The following ASH1L variants were observed in gnomAD, a reference collection of about 807,000 sequenced individuals.
ASH1L encodes histone-lysine N-methyltransferase ASH1L.
In ASH1L, 23 loss-of-function variants were observed where a neutral mutation model predicts 269.0. The ratio of observed to expected loss-of-function variants is 0.09; its 90% CI spans 0.06 to 0.12. The LOEUF (loss-of-function observed/expected upper bound fraction) is 0.12, where lower values mean the gene tolerates loss of function less well. Among genes scored for constraint, ASH1L ranks in the 10% least tolerant of loss-of-function variants. The pLI is 1.00. For missense variants in ASH1L, 2,912 were observed against 3,567.8 expected (o/e 0.82, Z 4.68); for synonymous variants, 1,187 against 1,253.5 (o/e 0.95, Z 1.12).
intron 7 of ASH1L, among the ~76,000 whole-genome samples, chr1:155,393,410 A>C (rs1225987208): frequency 6.6e-6 from 1 of 152,192 alleles, no homozygotes; most frequent in Admixed American, 6.5e-5. Context: ...ACTACAAGAC[A>C]TAGGATCAAC....
intron 1 of ASH1L, among the ~76,000 whole-genome samples, chr1:155,548,771 T>C (rs537910639): frequency 6.6e-6 from 1 of 152,356 alleles, no homozygotes; most frequent in East Asian, 1.9e-4. Context: ...GGTAATTTCA[T>C]CAAGTTCTTT....
Position 155,479,782 on chromosome 1 carries a change from C to T in ASH1L, c.3088G>A (p.Gly1030Ser). ...TTTATCTGTTGGCCCAATTTAGAGC[C>T]AAATGTGGCAGCAAGACTTGATACC... Reference protein sequence around the residue: ...NTVSSLAATFGSKLGQQINVS... With the variant: ...NTVSSLAATFSSKLGQQINVS... The change falls in exon 3 of 28, where the codon GGC (glycine) becomes AGC (serine). Residue 1030 changes from glycine to serine, a missense_variant. Physicochemically the swap from Gly to Ser is moderately conservative, Grantham distance 56 (BLOSUM62 0). Around this residue, in one of 13 missense-constraint regions of ASH1L, gnomAD observed 715 missense variants for 721.0 expected, o/e 0.99. Coordinates refer to ENST00000392403, the MANE Select transcript of ASH1L (RefSeq NM_018489.3). 6.2e-7 allele frequency: 1 copy of T among 1,614,110 alleles called. No individual in the cohort carries two copies. The highest frequency in any genetic ancestry group is 8.5e-7 in the Non-Finnish European group (1 of 1,179,992).
chr1:155,467,029 T>TA (rs1332307155), intron 3 of ASH1L, among the ~76,000 whole-genome samples: 1 of 152,196 alleles, frequency 6.6e-6, no homozygotes, highest in East Asian at 1.9e-4. Context: ...ATGCACCAAA[T>TA]AATGTATATA....
rs765088409 is a variant in ASH1L at position 155,439,001 on chromosome 1, C to T, written c.5154G>A (p.Leu1718=). The change falls in exon 5 of 28, where the codon CTG becomes CTA. Residue 1718 remains leucine (L), a synonymous_variant. Transcript: ENST00000392403. The part of the protein sequence containing the change: ...ASGDDSVDSL[L]QRMVQNEDQE... ...GGTCCTCATTTTGTACCATCCGCTGCAGCAGACTATCCACAGAGTCATCCC... is the reference window on the plus strand; with the variant it reads ...GGTCCTCATTTTGTACCATCCGCTGTAGCAGACTATCCACAGAGTCATCCC... 4 of 1,614,050 alleles carry T rather than the reference C, an allele frequency of 2.5e-6. No individual in the cohort carries two copies. The highest frequency in any genetic ancestry group is 3.4e-6 in the Non-Finnish European group (4 of 1,180,032).
rs541546996 is a variant in ASH1L, at chr1:155,339,227, A to C, written c.8501+101T>G. On this transcript the variant is annotated intron_variant, in intron 26 of 27. Transcript: ENST00000392403. ...CTGGGCTACTCTGCAGAGAATACCC[A>C]GTCCTAGAAGTGGAGCTGAGTGGGT... The C allele has an allele frequency of 1.5e-5, 16 of 1,053,956 alleles. No individual in the cohort carries two copies. The East Asian group carries it at 3.3e-4, about 22-fold the overall frequency. The allele number at this position is 1,053,956 out of a possible 1,614,324, so 65.3% of individuals were successfully genotyped here.
intron 6 of ASH1L, among the ~76,000 whole-genome samples, chr1:155,406,398 G>A (rs926526732): frequency 3.3e-5 from 5 of 152,104 alleles, no homozygotes; most frequent in African/African-American, 9.7e-5. Flanking sequence ...CTGATTTCAG[G>A]CTTTCTTACA....
At chr1:155,550,567 A>G (rs1558217031) in intron 1 of ASH1L, among the ~76,000 whole-genome samples, 1 of 152,136 alleles carries the variant, frequency 6.6e-6, no homozygotes, top group Non-Finnish European at 1.5e-5. Flanking sequence ...CTCAGGGCTT[A>G]TGCTCATGCC....
intron 3 of ASH1L, among the ~76,000 whole-genome samples, chr1:155,477,235 T>C (rs1487978692): frequency 6.6e-6 from 1 of 152,206 alleles, no homozygotes; most frequent in African/African-American, 2.4e-5. Context: ...GAGAAAAAGA[T>C]GTACAATTCT....
intron 5 of ASH1L, among the ~76,000 whole-genome samples, chr1:155,428,599 T>C (rs1469808265): frequency 6.6e-6 from 1 of 152,034 alleles, no homozygotes; most frequent in African/African-American, 2.4e-5. Flanking sequence ...TTTACCAGAA[T>C]AAGGGCAAGA....
intron 5 of ASH1L, among the ~76,000 whole-genome samples, chr1:155,420,481 C>T (rs1402913020): frequency 6.7e-5 from 10 of 148,244 alleles, no homozygotes; most frequent in Admixed American, 6.0e-4. Flanking sequence ...TAATAAAGTA[C>T]AAATTTAAAA....
chr1:155,434,565 T>C (rs527715705), intron 5 of ASH1L, among the ~76,000 whole-genome samples: 2 of 150,348 alleles, frequency 1.3e-5, no homozygotes, highest in African/African-American at 2.4e-5. Flanking sequence ...TATAAGAATT[T>C]AGGATGGTGG....
intron 12 of ASH1L, among the ~76,000 whole-genome samples, chr1:155,367,238 C>T (rs778502567): frequency 2.2e-4 from 33 of 152,192 alleles, no homozygotes; most frequent in African/African-American, 6.8e-4. Flanking sequence ...ATGATCCGCT[C>T]GCCTTGGCCT....
At chr1:155,533,540 C>T (rs972010217) in intron 1 of ASH1L, among the ~76,000 whole-genome samples, 1 of 151,042 alleles carries the variant, frequency 6.6e-6, no homozygotes, top group African/African-American at 2.4e-5. Flanking sequence ...GGTGAAACCC[C>T]GTCTCCACTT....
intron 15 of ASH1L, among the ~76,000 whole-genome samples, chr1:155,356,996 TGATGCA>T (rs1654456503): frequency 6.7e-6 from 1 of 148,822 alleles, no homozygotes. Flanking sequence ...CTTGGGAGGA[TGATGCA>T]GGGGGATCAC....
At chr1:155,471,692 T>C (rs370852794) in intron 3 of ASH1L, among the ~76,000 whole-genome samples, 2 of 152,366 alleles carry the variant, frequency 1.3e-5, no homozygotes, top group South Asian at 2.1e-4. Flanking sequence ...ACTGTAATCA[T>C]ACTATAGTGC....
At chr1:155,346,958 A>G (rs186529782) in intron 20 of ASH1L, among the ~76,000 whole-genome samples, 1 of 152,364 alleles carries the variant, frequency 6.6e-6, no homozygotes, top group African/African-American at 2.4e-5. Context: ...CAGGAGCCCT[A>G]CATGTATTAA....
At position 155,337,184 on chromosome 1, in the gene ASH1L, GT is replaced by G. The variant is rs2148302127; in HGVS notation, c.*475del. The G allele has an allele frequency of 6.5e-6, 1 of 152,878 alleles. No individual in the cohort carries two copies. Among genetic ancestry groups the G allele is most frequent in the African/African-American group, 2.4e-5 (1 of 41,550 alleles). 9.5% of individuals were successfully genotyped at this position (152,878 alleles called of 1,614,324 possible). ...GGAAGAAGCCTCAGCTACTGTTTCT[GT>G]TTAAGGTCTCTGGGGTAGCTCTTGG... On this transcript the variant is annotated 3_prime_UTR_variant, in exon 28 of 28. Transcript: ENST00000392403.
chr1:155,380,673 C>T (rs907360724), intron 7 of ASH1L, among the ~76,000 whole-genome samples: 1 of 151,844 alleles, frequency 6.6e-6, no homozygotes, highest in Non-Finnish European at 1.5e-5. Context: ...TCTTGCTGCC[C>T]AGGCTAGAGT....
chr1:155,362,893 G>C (rs1419626042), intron 12 of ASH1L, among the ~76,000 whole-genome samples: 1 of 152,146 alleles, frequency 6.6e-6, no homozygotes, highest in Non-Finnish European at 1.5e-5. Context: ...GGTTAGCTTA[G>C]ATACTGCCCT....
Sources: allele counts gnomAD v4.1 joint callset (sites outside exome capture counted in the v4.1 genomes callset), GRCh38; gene constraint gnomAD v4.1.1; regional missense constraint gnomAD v4.1.1; transcripts MANE v1.5; gene names NCBI Gene and HGNC (gene_info 2026-07-23, HGNC 2026-07-21).